Variants in MYBPC3 observed in about 807,000 individuals in gnomAD.
The protein encoded by MYBPC3 is myosin binding protein C3.
In MYBPC3, 108 loss-of-function variants were observed where a neutral mutation model predicts 159.3. The ratio of observed to expected loss-of-function variants is 0.68; its 90% CI spans 0.58 to 0.80. The LOEUF (loss-of-function observed/expected upper bound fraction) is 0.80. Ranked by LOEUF, MYBPC3 falls within the 30% of genes least tolerant of loss-of-function variation. The pLI is 0.00. For synonymous variants in MYBPC3, 730 were observed against 702.0 expected (o/e 1.04, Z -0.63); for missense variants, 1,631 against 1,762.1 (o/e 0.93, Z 1.33).
chr11:47,341,290 C>A, intron 18 of MYBPC3, 46 bp from the exon 19 acceptor site: 1 of 1,451,876 alleles, frequency 6.9e-7, no homozygotes, highest in Non-Finnish European at 9.4e-7. Flanking sequence ...GCCACACACC[C>A]CTGGCCTTGC....
rs768017322 is a variant in MYBPC3, at chr11:47,348,408, A to G, written c.772+16T>C. The G allele has an allele frequency of 4.4e-6, 7 of 1,581,814 alleles. No individual in the cohort carries two copies. The highest frequency in any genetic ancestry group is 6.1e-6 in the Non-Finnish European group (7 of 1,155,194). ...TGGGGAGCCCGAGCCCAGGACAGAC[A>G]CCAGGGCCCCCTCACCGTGGACAGT... On this transcript the variant is annotated intron_variant, in intron 6 of 34. Coordinates refer to ENST00000545968, the MANE Select transcript of MYBPC3 (RefSeq NM_000256.3).
At chr11:47,339,158 G>C (rs1462134105) in intron 22 of MYBPC3, among the ~76,000 whole-genome samples, 166 bp downstream of exon 22, 1 of 152,202 alleles carries the variant, frequency 6.6e-6, no homozygotes, top group Non-Finnish European at 1.5e-5. Context: ...ACTTCACAGA[G>C]ACCCTCTGCC....
Position 47,332,151 on chromosome 11 carries a change from G to A in MYBPC3, c.3735C>T (p.Pro1245=). ...VLTLEIRKPC[P]FDGGIYVCRA... is the part of the protein sequence containing the mutation. ...TGCAGACATAGATGCCCCCGTCAAA[G>A]GGGCAGGGCTTTCTAATCTCCAGAG... The change falls in exon 33 of 35, where the codon CCC becomes CCT. Residue 1245 remains proline (P), a synonymous_variant. Transcript: ENST00000545968. The surrounding 1 kb of genome is among the most constrained non-coding windows in gnomAD (Gnocchi z 4.2). 6.2e-7 allele frequency: 1 copy of A among 1,613,802 alleles called. No homozygotes were observed. The highest frequency in any genetic ancestry group is 8.5e-7 in the Non-Finnish European group (1 of 1,179,896).
rs3729802 is a variant in MYBPC3, at chr11:47,332,517, G to A, written c.3627+49C>T. The A allele has an allele frequency of 0.21, 329,958 of 1,578,520 alleles. 41,641 individuals carry two copies. The highest frequency in any genetic ancestry group is 0.6 in the East Asian group (26,748 of 44,342). On this transcript the variant is annotated intron_variant, in intron 32 of 34. Coordinates refer to ENST00000545968, the MANE Select transcript of MYBPC3 (RefSeq NM_000256.3). This position sits in a 1 kb window ranked among gnomAD's most constrained non-coding sequence, Gnocchi z 4.2. ...AGAGGACTGCTCAACGTCGGGGCCT[G>A]TGAGCCCTGCCTCCTGGTCGGCCTG... is the stretch of plus-strand genomic sequence containing the variant.
In MYBPC3 at chr11:47,332,335, C is replaced by T; in HGVS notation, c.3628-77G>A. ...CTGGCAGGGACCCAGGGAGACACAT[C>T]TGTGTTTCTACTCGGGGGGTCCCAC... On this transcript the variant is annotated intron_variant, in intron 32 of 34. Coordinates refer to ENST00000545968, the MANE Select transcript of MYBPC3 (RefSeq NM_000256.3). The surrounding 1 kb of genome is among the most constrained non-coding windows in gnomAD (Gnocchi z 4.2). 1.3e-6 allele frequency: 2 copies of T among 1,534,620 alleles called. No homozygotes were observed. Among genetic ancestry groups the T allele is most frequent in the Non-Finnish European group, 9.0e-7 (1 of 1,110,868 alleles).
intron 5 of MYBPC3, 82 bp downstream of exon 5, chr11:47,349,692 A>C: frequency 6.6e-7 from 1 of 1,508,910 alleles, no homozygotes; most frequent in Non-Finnish European, 8.8e-7. Context: ...TCTGGGTCTC[A>C]TGGTGCCCTC....
In MYBPC3 at chr11:47,331,860, A is replaced by T; in HGVS notation, c.*11T>A. On this transcript the variant is annotated 3_prime_UTR_variant, in exon 34 of 35. Transcript: ENST00000545968. ...TGGTACATACCTGGCCATCCCCAGG[A>T]GCCAGCCTGGTCACTGAGGCACTGC... The T allele has an allele frequency of 6.2e-7, 1 of 1,609,122 alleles. No homozygotes were observed. Among genetic ancestry groups the T allele is most frequent in the South Asian group, 1.1e-5 (1 of 90,016 alleles).
At chr11:47,341,090 GCTC>G (rs1273256715) in intron 19 of MYBPC3, 45 bp downstream of exon 19, 1 of 1,565,446 alleles carries the variant, frequency 6.4e-7, no homozygotes, top group Non-Finnish European at 8.7e-7. Flanking sequence ...AGTGACAGGG[GCTC>G]CTGGCCCCAC....
chr11:47,348,675 G>A (rs754275457), intron 5 of MYBPC3, 134 bp from the exon 6 acceptor site: 29 of 607,940 alleles, frequency 4.8e-5, no homozygotes, highest in Non-Finnish European at 6.1e-5. Context: ...AGGCTGAGGC[G>A]GGCGGATCAC....
rs779320909 is a variant in MYBPC3 at position 47,348,559 on chromosome 11, CG to C, written c.655-19del. On this transcript the variant is annotated intron_variant, in intron 5 of 34. Coordinates refer to ENST00000545968, the MANE Select transcript of MYBPC3 (RefSeq NM_000256.3). ...AGATAGACCTGTGTGCATGGAGGGACGGGGCGTCAGGGGACACCAGGGGCCG... is the reference window on the plus strand; with the variant it reads ...AGATAGACCTGTGTGCATGGAGGGACGGGCGTCAGGGGACACCAGGGGCCG... The C allele has an allele frequency of 3.1e-6, 5 of 1,593,150 alleles. No individual in the cohort carries two copies. The highest frequency in any genetic ancestry group is 1.1e-5 in the South Asian group (1 of 89,176).
chr11:47,342,207 G>A (rs1055231669), intron 17 of MYBPC3, 51 bp from the exon 18 acceptor site: 43 of 1,590,222 alleles, frequency 2.7e-5, no homozygotes, highest in Non-Finnish European at 3.5e-5. Flanking sequence ...TGGGTGTGGC[G>A]TGAATCCCTG....
At chr11:47,335,285 GATA>G (rs2095881184) in intron 26 of MYBPC3, 76 bp from the exon 27 acceptor site, 2 of 1,150,238 alleles carry the variant, frequency 1.7e-6, no homozygotes, top group Non-Finnish European at 2.4e-6. Context: ...CCACTCCTCT[GATA>G]GGAATCTCCA....
In MYBPC3 at chr11:47,338,398, G is replaced by A. The variant is rs1473608507; in HGVS notation, c.2308+122C>T. ...CCTTTTGGGCAGAAAAACCTGTCCT[G>A]TTGCCGCTCGGCTCAGGGAGCATGC... On this transcript the variant is annotated intron_variant, in intron 23 of 34. Coordinates refer to ENST00000545968, the MANE Select transcript of MYBPC3 (RefSeq NM_000256.3). The surrounding 1 kb of genome is among the most constrained non-coding windows in gnomAD (Gnocchi z 4.7). The A allele has an allele frequency of 2.8e-6, 4 of 1,413,402 alleles. No homozygotes were observed. The highest frequency in any genetic ancestry group is 2.1e-5 in the Admixed American group (1 of 47,354). 87.6% of individuals were successfully genotyped at this position (1,413,402 alleles called of 1,614,324 possible).
At chr11:47,344,647 T>A (rs1214605650) in intron 12 of MYBPC3, among the ~76,000 whole-genome samples, 1 of 152,242 alleles carries the variant, frequency 6.6e-6, no homozygotes, top group Non-Finnish European at 1.5e-5. Flanking sequence ...CTGGGTGCTC[T>A]GTGACCTTGC....
At chr11:47,345,429 C>T (rs945279998) in intron 12 of MYBPC3, among the ~76,000 whole-genome samples, 2 of 152,280 alleles carry the variant, frequency 1.3e-5, no homozygotes, top group African/African-American at 2.4e-5. Flanking sequence ...CTCCTCTCCC[C>T]GTCCCCATGA....
At chr11:47,331,936 C>T (rs2095876944) in intron 33 of MYBPC3, 55 bp from the exon 34 acceptor site, 2 of 1,601,974 alleles carry the variant, frequency 1.2e-6, no homozygotes, top group Non-Finnish European at 1.7e-6. Flanking sequence ...GAAGCTATTG[C>T]CCATCTGGGC....
At position 47,332,471 on chromosome 11, in the gene MYBPC3, A is replaced by G; in HGVS notation, c.3627+95T>C. 6.6e-7 allele frequency: 1 copy of G among 1,526,000 alleles called. No homozygotes were observed. The highest frequency in any genetic ancestry group is 1.3e-5 in the South Asian group (1 of 79,124). The allele number at this position is 1,526,000 out of a possible 1,614,324, so 94.5% of individuals were successfully genotyped here. A position where few individuals can be genotyped will look rare whatever the true frequency, so the allele number is the denominator to read the frequency against. On this transcript the variant is annotated intron_variant, in intron 32 of 34. Coordinates refer to ENST00000545968, the MANE Select transcript of MYBPC3 (RefSeq NM_000256.3). This position sits in a 1 kb window ranked among gnomAD's most constrained non-coding sequence, Gnocchi z 4.2. ...TCCATACACCCCAAGGTGGAGAGAA[A>G]GCAGGGGAGACAGGCTGGGGAGAGG...
intron 29 of MYBPC3, 111 bp downstream of exon 29, chr11:47,333,446 T>C (rs561400218): frequency 6.6e-7 from 1 of 1,516,364 alleles, no homozygotes; most frequent in South Asian, 1.2e-5. Flanking sequence ...GCTGGGGCAG[T>C]GGACTGGAAA....
At chr11:47,347,344 G>A (rs1289680540) in intron 9 of MYBPC3, 82 bp downstream of exon 9, 3 of 1,550,266 alleles carry the variant, frequency 1.9e-6, no homozygotes, top group East Asian at 4.9e-5. Context: ...TGTGCTCAGG[G>A]TCACACAGCT....
Sources: allele counts gnomAD v4.1 joint callset (sites outside exome capture counted in the v4.1 genomes callset), GRCh38; gene constraint gnomAD v4.1.1; non-coding constraint Gnocchi (gnomAD v3.1); transcripts MANE v1.5; gene names NCBI Gene and HGNC (gene_info 2026-07-23, HGNC 2026-07-21).